IFT140: variants seen among roughly 807,000 people sequenced by gnomAD.
IFT140 encodes the protein intraflagellar transport 140, also known as intraflagellar transport protein 140 homolog.
A neutral mutation model predicts 164.6 loss-of-function variants in IFT140; 133 were observed. The ratio of observed to expected loss-of-function variants is 0.81; its 90% CI spans 0.70 to 0.93. The LOEUF (loss-of-function observed/expected upper bound fraction) is 0.93. IFT140 is among the 40% of genes least tolerant of loss of function. The pLI is 0.00. For synonymous variants in IFT140, 860 were observed against 817.3 expected (o/e 1.05, Z -0.89); for missense variants, 2,045 against 1,972.3 (o/e 1.04, Z -0.70).
chr16:1,607,331 G>GTT, intron 2 of IFT140, 34 bp from the exon 3 acceptor site: 1 of 1,527,694 alleles, frequency 6.5e-7, no homozygotes, highest in Non-Finnish European at 8.9e-7. Context: ...AGTCCAATCA[G>GTT]TTTTAAATAA....
At chr16:1,578,852 T>C (rs1000864030) in intron 13 of IFT140, among the ~76,000 whole-genome samples, 3 of 152,166 alleles carry the variant, frequency 2.0e-5, no homozygotes, top group African/African-American at 7.2e-5. Context: ...GCTGGCACTA[T>C]AGGCGTGCGC....
Position 1,523,875 on chromosome 16 carries a change from C to T in IFT140, c.3223G>A (p.Glu1075Lys), listed in dbSNP as rs936261766. Residue 1075 changes from glutamate (E) to lysine (K), a missense_variant, in exon 25 of 31, where the codon GAG becomes AAG. Transcript: ENST00000426508. Reference sequence around the variant, plus strand: ...CTGTCCATCTGCACGCCCTTCTCCTCGTAGTATCGGGCCGCCTCGATCATG... The same window carrying T: ...CTGTCCATCTGCACGCCCTTCTCCTTGTAGTATCGGGCCGCCTCGATCATG... ...EDMIEAARYY[E>K]EKGVQMDRAV... 1.2e-5 allele frequency: 19 copies of T among 1,613,462 alleles called. No individual in the cohort carries two copies. Among genetic ancestry groups the T allele is most frequent in the Middle Eastern group, 1.6e-4 (1 of 6,084 alleles).
intron 4 of IFT140, 78 bp downstream of exon 4, chr16:1,602,292 A>G (rs1368681794): frequency 7.9e-7 from 1 of 1,269,016 alleles, no homozygotes; most frequent in Non-Finnish European, 1.1e-6. Flanking sequence ...CGGTTCCCAT[A>G]TTTTGATCTT....
rs147661907 is a variant in IFT140, at chr16:1,523,588, C to T, written c.3383G>A (p.Arg1128His). 42 of 1,613,656 alleles carry T rather than the reference C, an allele frequency of 2.6e-5. No individual in the cohort carries two copies. Among genetic ancestry groups the T allele is most frequent in the African/African-American group, 2.4e-4 (18 of 74,934 alleles). Reference sequence around the variant, plus strand: ...GTGCTCGATGAAGAAGTCGGAGCAGCGGGCCAGGAGCGCAGGGTCTGACGT... The same window carrying T: ...GTGCTCGATGAAGAAGTCGGAGCAGTGGGCCAGGAGCGCAGGGTCTGACGT... Reference protein sequence around the residue: ...DETSDPALLARCSDFFIEHSQ... With the variant: ...DETSDPALLAHCSDFFIEHSQ... Residue 1128 changes from arginine (R) to histidine (H), a missense_variant, in exon 26 of 31, where the codon CGC becomes CAC. Transcript: ENST00000426508.
At chr16:1,591,713 A>T (rs567428719) in intron 6 of IFT140, among the ~76,000 whole-genome samples, 65 of 152,172 alleles carry the variant, frequency 4.3e-4, no homozygotes, top group African/African-American at 1.5e-3. Context: ...TCCAGCGCTG[A>T]CCTCCCCATG....
At chr16:1,600,526 T>C (rs996947325) in intron 4 of IFT140, among the ~76,000 whole-genome samples, 1 of 150,912 alleles carries the variant, frequency 6.6e-6, no homozygotes, top group Admixed American at 6.6e-5. Flanking sequence ...CACTGCACCA[T>C]TGTCTAATTA....
chr16:1,520,602 C>T lies in IFT140; in HGVS notation c.3660G>A (p.Lys1220=). ...KKYTQAGNKL[K]AMRALLKSGD... ...CGGGCTGGGGCCGGGAGAGGCTCAC[C>T]TTCAGCTTGTTGCCGGCCTGCGTGT... Residue 1220 remains lysine (K), a splice_region_variant and synonymous_variant, in exon 27 of 31, where the codon AAG becomes AAA. Coordinates refer to ENST00000426508, the MANE Select transcript of IFT140 (RefSeq NM_014714.4). 1.3e-6 allele frequency: 2 copies of T among 1,576,982 alleles called. No homozygotes were observed. The highest frequency in any genetic ancestry group is 3.5e-5 in the Admixed American group (2 of 56,348).
intron 19 of IFT140, chr16:1,554,944 C>T: frequency 6.2e-7 from 1 of 1,614,138 alleles, no homozygotes; most frequent in Non-Finnish European, 8.5e-7. Flanking sequence ...TGCATGGCCC[C>T]CCGGGTGATT....
intron 13 of IFT140, among the ~76,000 whole-genome samples, chr16:1,572,161 C>T (rs1366516524): frequency 2.0e-5 from 3 of 152,204 alleles, no homozygotes; most frequent in African/African-American, 4.8e-5. Flanking sequence ...TTTAAGAAGT[C>T]AGCCAGGTGG....
chr16:1,606,322 T>TGA (rs1317264664), intron 3 of IFT140, among the ~76,000 whole-genome samples: 1 of 152,226 alleles, frequency 6.6e-6, no homozygotes, highest in Non-Finnish European at 1.5e-5. Flanking sequence ...TGATAGTGGC[T>TGA]TAATGCTGAT....
chr16:1,530,711 G>C (rs767228456), intron 19 of IFT140: 1 of 151,372 alleles, frequency 6.6e-6, no homozygotes, highest in Admixed American at 6.6e-5. Flanking sequence ...GGGAGCGGGA[G>C]AGAGCCCGCC....
At position 1,584,749 on chromosome 16, in the gene IFT140, T is replaced by C. The variant is rs371977845; in HGVS notation, c.1156-329A>G. ...GAGTGTGACATAGGGATGTTTATGT[T>C]TTTTATAAACAGACAGGAAGTTTAC... On this transcript the variant is annotated intron_variant, in intron 10 of 30. Transcript: ENST00000426508. Among the ~76,000 whole-genome samples, 6 of 152,306 alleles carry C rather than the reference T, an allele frequency of 3.9e-5. No homozygotes were observed. The East Asian group carries it at 7.7e-4, about 20-fold the overall frequency.
At chr16:1,590,179 C>T (rs962449525) in intron 6 of IFT140, among the ~76,000 whole-genome samples, 21 of 132,662 alleles carry the variant, frequency 1.6e-4, no homozygotes, top group East Asian at 2.2e-4. Flanking sequence ...CCAGCCTAGG[C>T]GACAGAGCAA....
chr16:1,585,890 C>G (rs1056281688), intron 10 of IFT140, among the ~76,000 whole-genome samples: 1 of 151,714 alleles, frequency 6.6e-6, no homozygotes, highest in South Asian at 2.1e-4. Context: ...CCTGCCGCAG[C>G]CTCCTGAGTA....
chr16:1,528,418 C>CGG (rs2030024346), intron 19 of IFT140, among the ~76,000 whole-genome samples: 1 of 125,682 alleles, frequency 8.0e-6, no homozygotes, highest in East Asian at 2.4e-4. Context: ...CATGGACGCA[C>CGG]ATGCACACAC....
chr16:1,524,139 T>A, intron 24 of IFT140, 183 bp from the exon 25 acceptor site: 1 of 773,868 alleles, frequency 1.3e-6, no homozygotes, highest in Non-Finnish European at 2.0e-6. Context: ...GATTTTCCGA[T>A]GCTCTGGGTT....
intron 12 of IFT140, 30 bp from the exon 13 acceptor site, chr16:1,580,880 G>T: frequency 6.7e-7 from 1 of 1,493,008 alleles, no homozygotes; most frequent in South Asian, 1.1e-5. Flanking sequence ...TCAGGATGGC[G>T]GCCGCTCATC....
At chr16:1,574,283 A>G (rs2034161525) in intron 13 of IFT140, among the ~76,000 whole-genome samples, 1 of 151,834 alleles carries the variant, frequency 6.6e-6, no homozygotes, top group Non-Finnish European at 1.5e-5. Context: ...TCACTTAATT[A>G]CTTATTTATT....
rs2076437 is a variant in IFT140, at chr16:1,524,029, G to C, written c.3142-73C>G. 23,529 of 1,559,776 alleles carry C rather than the reference G, an allele frequency of 0.015. 784 individuals are homozygous for C. The East Asian group carries it at 0.16, about 11-fold the overall frequency. On this transcript the variant is annotated intron_variant, in intron 24 of 30. Transcript: ENST00000426508. ...CAGGTCCGCTGAGATTCTGGAATGT[G>C]GCCGGGTGCGAACCCGCCCCTTCAC...
Sources: gnomAD v4.1 joint callset for allele counts (sites outside exome capture counted in the v4.1 genomes callset) on GRCh38, gnomAD v4.1.1 for gene constraint, MANE v1.5 for transcripts, NCBI Gene and HGNC (gene_info 2026-07-23, HGNC 2026-07-21) for gene names.